Variants in EYS observed in about 807,000 individuals in gnomAD.
EYS encodes protein eyes shut homolog.
A neutral mutation model predicts 282.1 loss-of-function variants in EYS; 250 were observed. The observed-to-expected ratio is 0.89, with a 90% CI of 0.80 to 0.98. EYS has a LOEUF of 0.98. Among genes scored for constraint, EYS ranks in the 50% least tolerant of loss-of-function variants. The pLI is 0.00. For missense variants in EYS, 4,016 were observed against 3,709.0 expected (o/e 1.08, Z -2.15); for synonymous variants, 1,355 against 1,282.9 (o/e 1.06, Z -1.20).
At chr6:64,533,721 G>C (rs1937615145) in intron 26 of EYS, among the ~76,000 whole-genome samples, 1 of 151,830 alleles carries the variant, frequency 6.6e-6, no homozygotes, top group Admixed American at 6.6e-5. Flanking sequence ...AATTATATCA[G>C]ACAAAAATCC....
At chr6:64,370,907 G>A (rs1361242729) in intron 29 of EYS, among the ~76,000 whole-genome samples, 4 of 151,326 alleles carry the variant, frequency 2.6e-5, no homozygotes, top group South Asian at 4.2e-4. Flanking sequence ...TGGATCTTCT[G>A]TTTTTCTTCA....
chr6:65,012,173 A>G (rs1286503509), intron 13 of EYS, among the ~76,000 whole-genome samples: 1 of 152,204 alleles, frequency 6.6e-6, no homozygotes, highest in East Asian at 1.9e-4. Context: ...TTTACTCAGA[A>G]AATGTAATTA....
chr6:65,594,391 A>G (rs1765335331), intron 2 of EYS, among the ~76,000 whole-genome samples: 1 of 152,060 alleles, frequency 6.6e-6, no homozygotes, highest in Admixed American at 6.6e-5. Context: ...ATTTAATAAT[A>G]GTTTTCTCAA....
intron 30 of EYS, among the ~76,000 whole-genome samples, chr6:64,290,851 G>A (rs1019978673): frequency 5.3e-5 from 6 of 112,956 alleles, no homozygotes; most frequent in Admixed American, 9.0e-5. Flanking sequence ...AGAGCCAAAT[G>A]GTAAATATTT....
chr6:64,230,940 G>T, intron 30 of EYS, 116 bp from the exon 31 acceptor site: 1 of 550,192 alleles, frequency 1.8e-6, no homozygotes, highest in Non-Finnish European at 3.2e-6. Flanking sequence ...TACTGATCAA[G>T]GTTTAACTGA....
chr6:65,119,258 T>C (rs1384179068), intron 12 of EYS, among the ~76,000 whole-genome samples: 1 of 152,162 alleles, frequency 6.6e-6, no homozygotes, highest in African/African-American at 2.4e-5. Flanking sequence ...GTGGGCAGCA[T>C]GCTTGGGAAT....
chr6:64,779,263 G>T (rs532458764), intron 22 of EYS, among the ~76,000 whole-genome samples: 1 of 152,208 alleles, frequency 6.6e-6, no homozygotes, highest in South Asian at 2.1e-4. Flanking sequence ...GTAGGTGAAT[G>T]AATAAATGAA....
In EYS at chr6:63,795,771, T is replaced by C. The variant is rs756092672; in HGVS notation, c.7412-6547A>G. Reference sequence around the variant, plus strand: ...GAACGAGAAGGGGAAATCTATTATATAGGAAGGAGGAAAAGAATCAAAGGT... The same window carrying C: ...GAACGAGAAGGGGAAATCTATTATACAGGAAGGAGGAAAAGAATCAAAGGT... On this transcript the variant is annotated intron_variant, in intron 37 of 42. Transcript: ENST00000503581. 4.6e-5 allele frequency among the ~76,000 whole-genome samples: 7 copies of C among 152,114 alleles called. No homozygotes were observed. The South Asian group carries it at 8.3e-4, about 18-fold the overall frequency.
chr6:65,521,486 T>A (rs1039268490), intron 2 of EYS, among the ~76,000 whole-genome samples: 3 of 152,156 alleles, frequency 2.0e-5, no homozygotes, highest in African/African-American at 7.2e-5. Flanking sequence ...ATTACTTTAA[T>A]GAAATAGTAT....
At chr6:65,006,836 G>C (rs963592780) in intron 13 of EYS, among the ~76,000 whole-genome samples, 1 of 152,202 alleles carries the variant, frequency 6.6e-6, no homozygotes, top group Non-Finnish European at 1.5e-5. Flanking sequence ...GGTGCAAACT[G>C]TTTGCACTCA....
At chr6:64,371,237 G>T (rs879312679) in intron 29 of EYS, among the ~76,000 whole-genome samples, 1 of 151,370 alleles carries the variant, frequency 6.6e-6, no homozygotes, top group Non-Finnish European at 1.5e-5. Context: ...TAGTTTCAAA[G>T]AATTTCTTAA....
chr6:65,312,213 T>A (rs908903549), intron 11 of EYS, among the ~76,000 whole-genome samples: 4 of 151,232 alleles, frequency 2.6e-5, no homozygotes, highest in African/African-American at 9.7e-5. Context: ...TGTTTCCTTT[T>A]ATTTGAATAA....
intron 26 of EYS, among the ~76,000 whole-genome samples, chr6:64,446,826 G>C (rs544158247): frequency 1.3e-4 from 20 of 152,042 alleles, no homozygotes; most frequent in Middle Eastern, 3.4e-3. Context: ...ATGAATAACT[G>C]CCCAAAGAAA....
intron 29 of EYS, among the ~76,000 whole-genome samples, chr6:64,374,007 C>A (rs186841180): frequency 1.3e-5 from 2 of 152,042 alleles, no homozygotes; most frequent in African/African-American, 4.8e-5. Flanking sequence ...GTGCTTCTAG[C>A]TGCACTCTCC....
At chr6:65,167,741 T>A (rs569231118) in intron 12 of EYS, among the ~76,000 whole-genome samples, 1 of 151,388 alleles carries the variant, frequency 6.6e-6, no homozygotes, top group Admixed American at 6.6e-5. Flanking sequence ...TTTATCACTG[T>A]GTCTTTTGGG....
intron 2 of EYS, among the ~76,000 whole-genome samples, chr6:65,560,474 G>C (rs1425497765): frequency 1.3e-5 from 2 of 148,182 alleles, no homozygotes; most frequent in Non-Finnish European, 3.0e-5. Context: ...GACTGTTCTT[G>C]GTGTCCATTA....
chr6:64,398,347 A>G (rs936399046), intron 28 of EYS, among the ~76,000 whole-genome samples: 3 of 151,936 alleles, frequency 2.0e-5, no homozygotes, highest in Non-Finnish European at 4.4e-5. Context: ...AGATGGATTA[A>G]ATAGGACAAT....
chr6:65,275,660 T>C lies in EYS; in HGVS notation c.2023+20203A>G, dbSNP rs144074623. On this transcript the variant is annotated intron_variant, in intron 12 of 42. Coordinates refer to ENST00000503581, the MANE Select transcript of EYS (RefSeq NM_001142800.2). Reference sequence around the variant, plus strand: ...TATATGGATTCATGGGCTGTTTCTGTAGCCAATGGTTTGACTGGATGATCT... The same window carrying C: ...TATATGGATTCATGGGCTGTTTCTGCAGCCAATGGTTTGACTGGATGATCT... 8.5e-4 allele frequency among the ~76,000 whole-genome samples: 130 copies of C among 152,268 alleles called. 1 individual carries two copies. The highest frequency in any genetic ancestry group is 2.9e-3 in the African/African-American group (119 of 41,568).
Position 64,201,768 on chromosome 6 carries a change from C to T in EYS, c.6424+28824G>A, listed in dbSNP as rs553083998. Among the ~76,000 whole-genome samples, 28 of 152,244 alleles carry T rather than the reference C, an allele frequency of 1.8e-4. No homozygotes were observed. In the South Asian group the frequency reaches 5.8e-3, roughly 32 times the overall value. ...ATCTCAGAAGATGGCTTCACAGCAA[C>T]TTTAAAGTAACAGAATGTATTTAAT... On this transcript the variant is annotated intron_variant, in intron 31 of 42. Coordinates refer to ENST00000503581, the MANE Select transcript of EYS (RefSeq NM_001142800.2).
Sources: allele counts gnomAD v4.1 joint callset (sites outside exome capture counted in the v4.1 genomes callset), GRCh38; gene constraint gnomAD v4.1.1; transcripts MANE v1.5; gene names NCBI Gene and HGNC (gene_info 2026-07-23, HGNC 2026-07-21).